Variants in NELL1 observed in about 807,000 individuals in gnomAD.
NELL1 encodes neural EGFL like 1, also known as protein kinase C-binding protein NELL1.
Under a neutral mutation model 107.4 loss-of-function variants are expected in NELL1, and 76 were observed. That is an observed-to-expected ratio of 0.71 (90% confidence interval 0.59 to 0.86). The LOEUF is 0.86. NELL1 is among the 40% of genes least tolerant of loss of function. NELL1 has a pLI of 0.00. For missense variants in NELL1, 1,024 were observed against 1,005.5 expected, an observed-to-expected ratio of 1.02 and a Z score of -0.25; for synonymous variants, 353 against 341.2, an observed-to-expected ratio of 1.03 and a Z score of -0.38.
intron 15 of NELL1, among the ~76,000 whole-genome samples, chr11:21,467,428 G>T (rs2133881088): frequency 6.6e-6 from 1 of 151,978 alleles, no homozygotes; most frequent in East Asian, 1.9e-4. Context: ...TTGCATTCCT[G>T]GTCATTACAA....
intron 12 of NELL1, among the ~76,000 whole-genome samples, chr11:21,079,995 C>T (rs904784493): frequency 6.6e-6 from 1 of 151,934 alleles, no homozygotes; most frequent in South Asian, 2.1e-4. Flanking sequence ...TGGTTTTGAA[C>T]ATACTGATGT....
chr11:21,330,812 C>T (rs1338888208), intron 14 of NELL1, among the ~76,000 whole-genome samples: 1 of 151,628 alleles, frequency 6.6e-6, no homozygotes, highest in Non-Finnish European at 1.5e-5. Flanking sequence ...ATTTTTGTTC[C>T]TTTCTGTTTT....
chr11:21,435,493 T>C (rs1401250924), intron 15 of NELL1, among the ~76,000 whole-genome samples: 2 of 128,950 alleles, frequency 1.6e-5, no homozygotes, highest in Non-Finnish European at 3.5e-5. Flanking sequence ...TTTTTTGTTT[T>C]TTGTTTTTTG....
chr11:20,674,612 A>C, intron 1 of NELL1: 1 of 1,188,646 alleles, frequency 8.4e-7, no homozygotes, highest in Non-Finnish European at 1.2e-6. Context: ...GAGGAAACTG[A>C]GGCTTGATAA....
intron 16 of NELL1, among the ~76,000 whole-genome samples, chr11:21,540,882 A>G (rs1856275746): frequency 6.6e-6 from 1 of 152,134 alleles, no homozygotes; most frequent in South Asian, 2.1e-4. Context: ...AAAGACTACA[A>G]GTGATTATTA....
At chr11:20,751,635 C>A (rs1564893189) in intron 2 of NELL1, among the ~76,000 whole-genome samples, 1 of 129,804 alleles carries the variant, frequency 7.7e-6, no homozygotes, top group African/African-American at 2.8e-5. Flanking sequence ...TGCCACCATG[C>A]CTGGCTAAGT....
intron 1 of NELL1, among the ~76,000 whole-genome samples, chr11:20,674,960 A>G (rs972787604): frequency 2.6e-5 from 4 of 152,196 alleles, no homozygotes; most frequent in Admixed American, 1.3e-4. Flanking sequence ...GCTTAAAGCA[A>G]ACCATTGATT....
chr11:20,866,507 G>A (rs1473955913), intron 4 of NELL1, among the ~76,000 whole-genome samples: 1 of 152,210 alleles, frequency 6.6e-6, no homozygotes, highest in Non-Finnish European at 1.5e-5. Flanking sequence ...ATGGTGCTGA[G>A]AAACAGATGA....
intron 3 of NELL1, among the ~76,000 whole-genome samples, chr11:20,836,891 T>C (rs373906950): frequency 1.4e-3 from 218 of 152,240 alleles, no homozygotes; most frequent in Non-Finnish European, 2.6e-3. Context: ...CACATGACAC[T>C]ATGCATATGT....
intron 13 of NELL1, among the ~76,000 whole-genome samples, chr11:21,164,084 A>G (rs1856430743): frequency 6.6e-6 from 1 of 152,168 alleles, no homozygotes; most frequent in African/African-American, 2.4e-5. Flanking sequence ...TCAGAAACCA[A>G]ACCTGTGCGC....
chr11:21,568,104 C>T (rs1857012375), intron 17 of NELL1, among the ~76,000 whole-genome samples: 1 of 151,738 alleles, frequency 6.6e-6, no homozygotes, highest in African/African-American at 2.4e-5. Flanking sequence ...TTAAACAAAC[C>T]TAGATGGAAT....
At chr11:21,445,087 C>T (rs916772383) in intron 15 of NELL1, among the ~76,000 whole-genome samples, 8 of 152,130 alleles carry the variant, frequency 5.3e-5, no homozygotes, top group South Asian at 2.1e-4. Flanking sequence ...CATTTTTTAA[C>T]GTCTTATTGT....
At chr11:20,692,706 C>T (rs1469344916) in intron 2 of NELL1, among the ~76,000 whole-genome samples, 2 of 151,888 alleles carry the variant, frequency 1.3e-5, no homozygotes, top group African/African-American at 4.8e-5. Flanking sequence ...TTACTTCCAA[C>T]TATGTGGTCA....
intron 14 of NELL1, among the ~76,000 whole-genome samples, chr11:21,303,918 G>C (rs988809412): frequency 2.6e-5 from 4 of 151,934 alleles, no homozygotes; most frequent in Admixed American, 2.6e-4. Context: ...TAATCACTGC[G>C]TCCTCACATG....
intron 15 of NELL1, among the ~76,000 whole-genome samples, chr11:21,419,896 A>G (rs1852617564): frequency 6.6e-6 from 1 of 152,134 alleles, no homozygotes; most frequent in Non-Finnish European, 1.5e-5. Context: ...ACTGCCATGC[A>G]TTTGCCATGC....
intron 15 of NELL1, among the ~76,000 whole-genome samples, chr11:21,427,930 A>G (rs939035985): frequency 2.0e-5 from 3 of 152,174 alleles, no homozygotes; most frequent in Non-Finnish European, 2.9e-5. Context: ...AGTTTGCACA[A>G]TACTCTGTGT....
At chr11:20,999,972 AG>A (rs1219828190) in intron 12 of NELL1, among the ~76,000 whole-genome samples, 3 of 150,976 alleles carry the variant, frequency 2.0e-5, no homozygotes, top group Non-Finnish European at 4.4e-5. Context: ...GGTCATATGA[AG>A]GTTGTGTGTG....
At chr11:21,041,746 A>G (rs1436823375) in intron 12 of NELL1, among the ~76,000 whole-genome samples, 1 of 152,250 alleles carries the variant, frequency 6.6e-6, no homozygotes, top group Non-Finnish European at 1.5e-5. Flanking sequence ...ATGTACAAAC[A>G]AAATCAGGTG....
intron 3 of NELL1, among the ~76,000 whole-genome samples, chr11:20,807,613 T>A (rs779937456): frequency 6.6e-6 from 1 of 152,150 alleles, no homozygotes. Context: ...GCCAGCCAGG[T>A]TTGTGTTCTT....
Sources: gnomAD v4.1 joint callset for allele counts (sites outside exome capture counted in the v4.1 genomes callset) on GRCh38, gnomAD v4.1.1 for gene constraint, MANE v1.5 for transcripts, NCBI Gene and HGNC (gene_info 2026-07-23, HGNC 2026-07-21) for gene names.